NEBL: variants seen among roughly 807,000 people sequenced by gnomAD.
NEBL encodes nebulette.
In NEBL, 122 loss-of-function variants were observed where a neutral mutation model predicts 140.2. The ratio of observed to expected loss-of-function variants is 0.87; its 90% CI spans 0.75 to 1.01. NEBL has a LOEUF of 1.01. Ranked by LOEUF, NEBL falls within the 50% of genes least tolerant of loss-of-function variation. The pLI is 0.00. For missense variants in NEBL, 1,365 were observed against 1,231.3 expected, an observed-to-expected ratio of 1.11 and a Z score of -1.62; for synonymous variants, 436 against 398.9, an observed-to-expected ratio of 1.09 and a Z score of -1.11.
chr10:21,184,882 GT>G (rs1365782582), intron 3 of NEBL, among the ~76,000 whole-genome samples: 3 of 152,334 alleles, frequency 2.0e-5, no homozygotes, highest in Non-Finnish European at 2.9e-5. Context: ...ACCCGAGACT[GT>G]TAACAGAGGT....
At chr10:20,886,673 C>A (rs1222709668) in intron 4 of NEBL, among the ~76,000 whole-genome samples, 1 of 152,172 alleles carries the variant, frequency 6.6e-6, no homozygotes, top group Non-Finnish European at 1.5e-5. Context: ...GCCGGCGCTG[C>A]CATTTACTGG....
intron 22 of NEBL, among the ~76,000 whole-genome samples, chr10:20,815,346 G>A (rs1838621142): frequency 1.3e-5 from 2 of 152,032 alleles, no homozygotes; most frequent in African/African-American, 2.4e-5. Flanking sequence ...TCAAAGACAC[G>A]GCTAACATAT....
Position 20,934,473 on chromosome 10 carries a change from A to G in NEBL, c.357+27199T>C, listed in dbSNP as rs2131544965. ...GCCTTCCACAGTGAAGTGAGTCCGC[A>G]AAACTGAATTCTAGCCTGTGGAATA... is the stretch of plus-strand genomic sequence containing the variant. On this transcript the variant is annotated intron_variant, in intron 4 of 6. Transcript: ENST00000417816. Among the ~76,000 whole-genome samples the G allele has an allele frequency of 2.6e-5, 4 of 152,266 alleles. No individual in the cohort carries two copies. The Middle Eastern group carries it at 0.01, about 388-fold the overall frequency.
At chr10:21,046,656 A>G (rs1055277720) in intron 2 of NEBL, among the ~76,000 whole-genome samples, 78 of 152,144 alleles carry the variant, frequency 5.1e-4, no homozygotes, top group African/African-American at 1.7e-3. Context: ...GCTGGAGTGC[A>G]GTGGTGCGAT....
Position 20,891,437 on chromosome 10 carries a change from T to C in NEBL, c.154-1488A>G, listed in dbSNP as rs1201856532. ...TGGAGAAAAAAGTATCTCCGTTATA[T>C]AATTAAGTGTGAGAGAAAATAGCCT... On this transcript the variant is annotated intron_variant, in intron 2 of 27. Coordinates refer to ENST00000377122, the MANE Select transcript of NEBL (RefSeq NM_006393.3). Among the ~76,000 whole-genome samples the C allele has an allele frequency of 8.5e-5, 13 of 152,336 alleles. No homozygotes were observed. The East Asian group carries it at 2.3e-3, about 27-fold the overall frequency.
At chr10:21,073,315 CCTGTCT>C (rs1835902671) in intron 2 of NEBL, among the ~76,000 whole-genome samples, 1 of 146,570 alleles carries the variant, frequency 6.8e-6, no homozygotes, top group Non-Finnish European at 1.5e-5. Context: ...AGAGTGAGAC[CCTGTCT>C]CAAAAAAAAA....
chr10:20,924,983 C>A (rs1234626006), intron 4 of NEBL, among the ~76,000 whole-genome samples: 1 of 151,388 alleles, frequency 6.6e-6, no homozygotes, highest in Non-Finnish European at 1.5e-5. Flanking sequence ...CTGCTCTATA[C>A]CACCTCTCTT....
chr10:20,889,906 G>A lies in NEBL; in HGVS notation c.197C>T (p.Thr66Ile). ...TAGCATAGGACTGTCAGTCACAAATGTACACTTATCCTTGGACTTTTTAAA... is the reference window on the plus strand; with the variant it reads ...TAGCATAGGACTGTCAGTCACAAATATACACTTATCCTTGGACTTTTTAAA... ...EEFKKSKDKC[T>I]FVTDSPMLNH... is the part of the protein sequence containing the mutation. Residue 66 changes from threonine to isoleucine, a missense_variant, in exon 3 of 28, where the codon ACA (threonine) becomes ATA (isoleucine). Transcript: ENST00000377122. 6.2e-7 allele frequency: 1 copy of A among 1,611,954 alleles called. No homozygotes were observed. Among genetic ancestry groups the A allele is most frequent in the South Asian group, 1.1e-5 (1 of 90,848 alleles).
At chr10:20,989,829 T>C (rs1282775464) in intron 3 of NEBL, among the ~76,000 whole-genome samples, 1 of 151,982 alleles carries the variant, frequency 6.6e-6, no homozygotes, top group Non-Finnish European at 1.5e-5. Flanking sequence ...TCTGCAGAGG[T>C]TGGGGGGTGG....
chr10:20,801,221 A>AT lies in NEBL; in HGVS notation c.2761+7288dup, dbSNP rs1266270377. ...TTATTTATTTTTATTTTTATTTTTT[A>AT]TTTTCTTTTGAGGCAGGGTCTTACT... On this transcript the variant is annotated intron_variant, in intron 26 of 27. Coordinates refer to ENST00000377122, the MANE Select transcript of NEBL (RefSeq NM_006393.3). 4.6e-3 allele frequency among the ~76,000 whole-genome samples: 668 copies of AT among 146,108 alleles called. 9 individuals carry two copies. Among genetic ancestry groups the AT allele is most frequent in the African/African-American group, 0.016 (643 of 39,430 alleles).
intron 4 of NEBL, among the ~76,000 whole-genome samples, chr10:20,946,581 C>T (rs1463571795): frequency 1.3e-5 from 2 of 152,204 alleles, no homozygotes; most frequent in Non-Finnish European, 2.9e-5. Flanking sequence ...CCCACCTCAG[C>T]TTCCCAAGCA....
At chr10:21,226,864 A>G (rs1043211969) in intron 3 of NEBL, among the ~76,000 whole-genome samples, 3 of 152,026 alleles carry the variant, frequency 2.0e-5, no homozygotes, top group Non-Finnish European at 4.4e-5. Context: ...TTTAGGTCCT[A>G]TGCTTTTTTG....
rs3990287 is a variant in NEBL, at chr10:20,814,617, TACACACACAC to T, written c.2242-584_2242-575del. On this transcript the variant is annotated intron_variant, in intron 22 of 27. Coordinates refer to ENST00000377122, the MANE Select transcript of NEBL (RefSeq NM_006393.3). ...TGTCTCAAACACACACATACACACA[TACACACACAC>T]ACACACACACACAACTGGTTATCAT... Among the ~76,000 whole-genome samples the T allele has an allele frequency of 7.2e-3, 1,060 of 146,522 alleles. 13 individuals are homozygous for T. Among genetic ancestry groups the T allele is most frequent in the African/African-American group, 0.026 (1,007 of 39,250 alleles).
chr10:21,192,341 A>G (rs1841587021), intron 3 of NEBL, among the ~76,000 whole-genome samples: 1 of 151,226 alleles, frequency 6.6e-6, no homozygotes, highest in African/African-American at 2.4e-5. Context: ...ACAGGCACCC[A>G]CCACCACGCC....
chr10:21,106,751 T>C (rs544967811), intron 2 of NEBL, among the ~76,000 whole-genome samples: 3 of 152,212 alleles, frequency 2.0e-5, no homozygotes, highest in East Asian at 1.9e-4. Context: ...ATGGGGATAG[T>C]ATTGAATGTA....
At chr10:21,128,379 C>T (rs1427735669) in intron 2 of NEBL, among the ~76,000 whole-genome samples, 1 of 152,018 alleles carries the variant, frequency 6.6e-6, no homozygotes, top group East Asian at 1.9e-4. Flanking sequence ...GGAGAAGAGG[C>T]TCTCCAGACC....
chr10:20,793,877 A>G (rs570192024), intron 26 of NEBL, among the ~76,000 whole-genome samples: 7 of 152,224 alleles, frequency 4.6e-5, no homozygotes, highest in African/African-American at 1.7e-4. Context: ...TTTTCAAATG[A>G]GCAGCCACAA....
chr10:20,855,859 G>A (rs1402960305), intron 9 of NEBL, among the ~76,000 whole-genome samples: 2 of 152,120 alleles, frequency 1.3e-5, no homozygotes, highest in African/African-American at 4.8e-5. Flanking sequence ...TAGCTACTGT[G>A]ACAAATGGAT....
intron 2 of NEBL, among the ~76,000 whole-genome samples, chr10:21,159,405 G>T (rs1840464495): frequency 6.6e-6 from 1 of 152,114 alleles, no homozygotes; most frequent in Admixed American, 6.5e-5. Flanking sequence ...TTCTTAAAAG[G>T]CTAGGTGTGG....
Sources: allele counts gnomAD v4.1 joint callset (sites outside exome capture counted in the v4.1 genomes callset), GRCh38; gene constraint gnomAD v4.1.1; transcripts MANE v1.5; gene names NCBI Gene and HGNC (gene_info 2026-07-23, HGNC 2026-07-21).